The following RAB33A variants were observed in gnomAD, a reference collection of about 807,000 sequenced individuals.
RAB33A encodes ras-related protein Rab-33A.
In RAB33A, 6 loss-of-function variants were observed where a neutral mutation model predicts 12.0. The observed-to-expected ratio is 0.50, with a 90% CI of 0.27 to 0.99. The LOEUF (loss-of-function observed/expected upper bound fraction) is 0.99, where lower values mean the gene tolerates loss of function less well. RAB33A is among the 50% of genes least tolerant of loss of function. The pLI is 0.11. For missense variants in RAB33A, 109 were observed against 192.0 expected, an observed-to-expected ratio of 0.57 and a Z score of 2.55; for synonymous variants, 70 against 82.4, an observed-to-expected ratio of 0.85 and a Z score of 0.81.
At chrX:130,165,158 G>A in the RAB33A span, among the ~76,000 whole-genome samples, 1,381 of 106,026 alleles carry the variant, frequency 0.013, 11 homozygotes, top group Non-Finnish European at 0.021. Flanking sequence ...ATTTACACAA[G>A]AAACTTAGGC....
At chrX:130,180,679 A>G (rs774047288) in intron 1 of RAB33A, among the ~76,000 whole-genome samples, 2 of 101,135 alleles carry the variant, frequency 2.0e-5, no homozygotes, top group South Asian at 1.0e-3. Flanking sequence ...TATGGTCTCG[A>G]TCTCCTGATC....
intron 1 of RAB33A, among the ~76,000 whole-genome samples, chrX:130,182,696 G>A (rs1282471967): frequency 9.1e-6 from 1 of 109,895 alleles, no homozygotes; most frequent in African/African-American, 3.3e-5. Flanking sequence ...AGAGGTTGCA[G>A]TGAGCCGAGA....
the RAB33A span, chrX:130,147,786 G>A: frequency 8.2e-7 from 1 of 1,212,140 alleles, no homozygotes; most frequent in Non-Finnish European, 1.1e-6. Flanking sequence ...GATGGATCTG[G>A]CTGCAGCAAA....
At chrX:130,135,288 T>C in the RAB33A span, among the ~76,000 whole-genome samples, 1 of 109,606 alleles carries the variant, frequency 9.1e-6, no homozygotes, top group East Asian at 2.9e-4. Flanking sequence ...GGTTTCACCA[T>C]GTTAGCCAGG....
At chrX:130,182,325 AAAG>A (rs921867086) in intron 1 of RAB33A, among the ~76,000 whole-genome samples, 4 of 107,934 alleles carry the variant, frequency 3.7e-5, no homozygotes, top group Non-Finnish European at 7.6e-5. Flanking sequence ...AAATATTTAA[AAAG>A]AAGAAAATAA....
At chrX:130,134,939 T>C in the RAB33A span, among the ~76,000 whole-genome samples, 6 of 111,622 alleles carry the variant, frequency 5.4e-5, no homozygotes, top group African/African-American at 2.0e-4. Flanking sequence ...ATAGTATGCT[T>C]GCCACGAATA....
chrX:130,124,248 T>C, the RAB33A span, among the ~76,000 whole-genome samples: 1 of 111,873 alleles, frequency 8.9e-6, no homozygotes, highest in South Asian at 3.7e-4. Context: ...ACAGGGACAA[T>C]ATATTACTCA....
At chrX:130,169,496 AGG>A (rs1179350207), upstream of RAB33A, among the ~76,000 whole-genome samples, 1 of 111,821 alleles carries the variant, frequency 8.9e-6, no homozygotes, top group Non-Finnish European at 1.9e-5. Context: ...TTTTTACAAT[AGG>A]TACAATAAGG....
upstream of RAB33A, among the ~76,000 whole-genome samples, chrX:130,169,967 C>T (rs977985648): frequency 8.9e-6 from 1 of 111,905 alleles, no homozygotes; most frequent in African/African-American, 3.3e-5. Context: ...GCAAACTAGG[C>T]ATCAGACTAA....
At chrX:130,140,291 G>A in the RAB33A span, among the ~76,000 whole-genome samples, 2 of 112,290 alleles carry the variant, frequency 1.8e-5, no homozygotes, top group African/African-American at 6.5e-5. Flanking sequence ...TGAGGGTTAA[G>A]CAGGGAGAGA....
the RAB33A span, among the ~76,000 whole-genome samples, chrX:130,166,351 T>C: frequency 4.2e-4 from 47 of 111,546 alleles, no homozygotes; most frequent in Admixed American, 8.6e-4. Context: ...CTGTCACCTT[T>C]ATTTATTAGT....
intron 1 of RAB33A, among the ~76,000 whole-genome samples, chrX:130,182,964 GC>G (rs2124688416): frequency 9.2e-6 from 1 of 109,095 alleles, no homozygotes; most frequent in East Asian, 3.0e-4. Context: ...AAGTGCAGTG[GC>G]CCGATCTCGG....
At chrX:130,147,547 T>C in the RAB33A span, 3 of 1,210,571 alleles carry the variant, frequency 2.5e-6, no homozygotes, top group Admixed American at 6.6e-5. Context: ...GACATTTGGG[T>C]CATCTGAAAA....
intron 1 of RAB33A, among the ~76,000 whole-genome samples, chrX:130,174,449 A>G (rs892368726): frequency 9.8e-5 from 11 of 112,127 alleles, no homozygotes; most frequent in Non-Finnish European, 1.9e-4. Context: ...GCGAGAGACC[A>G]GCATGTCTGT....
chrX:130,146,491 GTA>G, the RAB33A span, among the ~76,000 whole-genome samples: 1 of 94,039 alleles, frequency 1.1e-5, no homozygotes, highest in Non-Finnish European at 2.2e-5. Flanking sequence ...GTGTGTGTGT[GTA>G]TGCATATGTA....
chrX:130,114,057 G>C, the RAB33A span, among the ~76,000 whole-genome samples: 1 of 112,141 alleles, frequency 8.9e-6, no homozygotes, highest in Non-Finnish European at 1.9e-5. Flanking sequence ...CAGGGCCAGG[G>C]CTGAAGTTGC....
the RAB33A span, among the ~76,000 whole-genome samples, chrX:130,155,500 T>A: frequency 8.9e-6 from 1 of 112,507 alleles, no homozygotes; most frequent in Admixed American, 9.4e-5. Context: ...CTGATTTGAC[T>A]CACAATAGGC....
chrX:130,172,097 A>C lies in RAB33A; in HGVS notation c.35A>C (p.Gln12Pro). 8.3e-7 allele frequency: 1 copy of C among 1,211,276 alleles called. No individual in the cohort carries two copies. Among genetic ancestry groups the C allele is most frequent in the Non-Finnish European group, 1.1e-6 (1 of 895,178 alleles). The change falls in exon 1 of 2, where the codon CAG becomes CCG. Residue 12 changes from glutamine (Q) to proline (P), a missense_variant. Physicochemically the swap from Gln to Pro is moderately conservative, Grantham distance 76 (BLOSUM62 -1). Transcript: ENST00000257017. The part of the protein sequence containing the change: ...AQPILGHGSL[Q>P]PASAAGLASL... ...CCCATCCTGGGCCATGGGAGCCTGC[A>C]GCCCGCCTCGGCCGCTGGCCTGGCG...
the RAB33A span, among the ~76,000 whole-genome samples, chrX:130,117,169 G>C: frequency 6.1e-4 from 69 of 112,317 alleles, no homozygotes; most frequent in Non-Finnish European, 1.1e-3. Flanking sequence ...AGCCGAGATT[G>C]TGCCACTGCA....
Sources: allele counts gnomAD v4.1 joint callset (sites outside exome capture counted in the v4.1 genomes callset), GRCh38; gene constraint gnomAD v4.1.1; transcripts MANE v1.5; gene names NCBI Gene and HGNC (gene_info 2026-07-23, HGNC 2026-07-21).